The following ALOX5 variants were observed in gnomAD, a reference collection of about 807,000 sequenced individuals.
ALOX5 encodes arachidonate 5-lipoxygenase.
Under a neutral mutation model 87.9 loss-of-function variants are expected in ALOX5, and 64 were observed. The ratio of observed to expected loss-of-function variants is 0.73; its 90% confidence interval spans 0.60 to 0.90. The LOEUF (loss-of-function observed/expected upper bound fraction) is 0.90. Ranked by LOEUF, ALOX5 falls within the 40% of genes least tolerant of loss-of-function variation. The pLI, the probability that ALOX5 is intolerant of heterozygous loss-of-function variation, is 0.00. For synonymous variants in ALOX5, 388 were observed against 355.1 expected, an observed-to-expected ratio of 1.09 and a Z score of -1.04; for missense variants, 822 against 907.5, an observed-to-expected ratio of 0.91 and a Z score of 1.21.
intron 2 of ALOX5, among the ~76,000 whole-genome samples, chr10:45,388,942 T>C (rs551119649): frequency 6.6e-6 from 1 of 152,110 alleles, no homozygotes; most frequent in South Asian, 2.1e-4. Context: ...CTAAAAACCT[T>C]GAAAAAAGAT....
At chr10:45,396,648 C>G (rs1189330218) in intron 3 of ALOX5, among the ~76,000 whole-genome samples, 3 of 152,158 alleles carry the variant, frequency 2.0e-5, no homozygotes, top group African/African-American at 7.2e-5. Context: ...CTAATTCTAT[C>G]AAACATTTAA....
At chr10:45,419,816 A>C (rs78290029) in intron 4 of ALOX5, among the ~76,000 whole-genome samples, 4,229 of 152,276 alleles carry the variant, frequency 0.028, 200 homozygotes, top group African/African-American at 0.092. Flanking sequence ...CCAGGAGAGA[A>C]GGGCCCTGAG....
At chr10:45,404,479 T>A (rs939738966) in intron 3 of ALOX5, among the ~76,000 whole-genome samples, 1 of 152,220 alleles carries the variant, frequency 6.6e-6, no homozygotes, top group Non-Finnish European at 1.5e-5. Context: ...ACATGCACAC[T>A]CACACACAGC....
chr10:45,385,495 G>T (rs757572753), intron 2 of ALOX5, among the ~76,000 whole-genome samples: 1 of 152,154 alleles, frequency 6.6e-6, no homozygotes, highest in Non-Finnish European at 1.5e-5. Context: ...CGGGACCAGG[G>T]GAGACAGAAC....
chr10:45,376,824 A>G (rs1813134064), intron 1 of ALOX5, among the ~76,000 whole-genome samples: 1 of 152,170 alleles, frequency 6.6e-6, no homozygotes, highest in African/African-American at 2.4e-5. Flanking sequence ...ACTGGGAATC[A>G]AGTCCTTCGC....
chr10:45,437,960 T>C (rs888275467), intron 7 of ALOX5, among the ~76,000 whole-genome samples: 6 of 152,254 alleles, frequency 3.9e-5, no homozygotes, highest in Non-Finnish European at 8.8e-5. Flanking sequence ...TGCTGATTTT[T>C]CCTTGCAGTA....
chr10:45,396,312 A>G (rs922454047), intron 3 of ALOX5, among the ~76,000 whole-genome samples: 49 of 152,016 alleles, frequency 3.2e-4, no homozygotes, highest in African/African-American at 1.1e-3. Flanking sequence ...TCTTCAGCCA[A>G]CTGACCAGAG....
intron 7 of ALOX5, among the ~76,000 whole-genome samples, chr10:45,431,938 CTG>C (rs1365534277): frequency 6.6e-6 from 1 of 151,776 alleles, no homozygotes; most frequent in Admixed American, 6.6e-5. Context: ...GGGGAGGAAA[CTG>C]TAAAAATGTC....
chr10:45,400,903 T>C (rs994202380), intron 3 of ALOX5, among the ~76,000 whole-genome samples: 1 of 152,214 alleles, frequency 6.6e-6, no homozygotes, highest in Non-Finnish European at 1.5e-5. Flanking sequence ...TCTGCAAATA[T>C]ATTAAAATCT....
chr10:45,402,451 A>T (rs948886354), intron 3 of ALOX5, among the ~76,000 whole-genome samples: 1 of 152,198 alleles, frequency 6.6e-6, no homozygotes, highest in Non-Finnish European at 1.5e-5. Flanking sequence ...GCCACTGGAC[A>T]TGCATCTCGA....
Position 45,443,169 on chromosome 10 carries a change from C to G in ALOX5, c.1404C>G (p.Tyr468Ter). Residue 468 changes from tyrosine (Y) to a stop codon, truncating the protein, a stop_gained, in exon 10 of 14, where the codon TAC becomes TAG. Coordinates refer to ENST00000374391, the MANE Select transcript of ALOX5 (RefSeq NM_000698.5). LOFTEE classifies it high-confidence loss of function. ...RGMESKEDIP[Y>*]YFYRDDGLLV... The stretch of plus-strand genomic sequence containing the variant: ...TGGAGAGCAAAGAAGACATCCCCTA[C>G]TACTTCTACCGGGACGACGGGCTCC... 1 of 1,613,838 alleles carries G rather than the reference C, an allele frequency of 6.2e-7. No homozygotes were observed. The highest frequency in any genetic ancestry group is 1.7e-5 in the Admixed American group (1 of 60,022).
chr10:45,407,835 G>A (rs1840936680), intron 3 of ALOX5, among the ~76,000 whole-genome samples: 2 of 151,972 alleles, frequency 1.3e-5, no homozygotes, highest in South Asian at 2.1e-4. Flanking sequence ...AAATTTTAAC[G>A]GTTCACTAGG....
chr10:45,419,127 G>A (rs531021780), intron 4 of ALOX5, among the ~76,000 whole-genome samples: 28 of 152,360 alleles, frequency 1.8e-4, no homozygotes, highest in African/African-American at 6.5e-4. Flanking sequence ...GGCGCTATGA[G>A]CCCGAGTTTC....
rs570065880 is a variant in ALOX5, at chr10:45,424,051, C to T, written c.565C>T (p.Leu189=). The T allele has an allele frequency of 7.4e-6, 12 of 1,614,048 alleles. No individual in the cohort carries two copies. The South Asian group carries it at 1.3e-4, about 18-fold the overall frequency. ...TCTCCTGGTCTGCAGGATGGAGAAC[C>T]TGTTCATCAACCGCTTCATGCACAT... ...VLNYSKAMEN[L]FINRFMHMFQ... The change falls in exon 5 of 14, where the codon CTG becomes TTG. Residue 189 remains leucine, a synonymous_variant. Transcript: ENST00000374391.
At chr10:45,419,046 C>G (rs1841403658) in intron 4 of ALOX5, among the ~76,000 whole-genome samples, 2 of 152,168 alleles carry the variant, frequency 1.3e-5, no homozygotes, top group African/African-American at 4.8e-5. Context: ...CGCCCTCTCC[C>G]CAGGACCACA....
intron 4 of ALOX5, among the ~76,000 whole-genome samples, chr10:45,422,376 C>G (rs1035690305): frequency 1.3e-5 from 2 of 152,166 alleles, no homozygotes; most frequent in African/African-American, 2.4e-5. Flanking sequence ...CAGCTCAGAC[C>G]CAGCCATGCT....
intron 4 of ALOX5, among the ~76,000 whole-genome samples, chr10:45,414,367 G>T (rs1260268742): frequency 6.6e-6 from 1 of 152,156 alleles, no homozygotes; most frequent in African/African-American, 2.4e-5. Context: ...AATGGTGCTG[G>T]GAAAACTGGC....
At chr10:45,388,816 C>T (rs1262047402) in intron 2 of ALOX5, among the ~76,000 whole-genome samples, 2 of 152,204 alleles carry the variant, frequency 1.3e-5, no homozygotes, top group African/African-American at 2.4e-5. Flanking sequence ...CAGCTCCTCG[C>T]GAGTGGTGGA....
intron 4 of ALOX5, among the ~76,000 whole-genome samples, chr10:45,415,429 C>T (rs2132771159): frequency 6.6e-6 from 1 of 152,090 alleles, no homozygotes; most frequent in East Asian, 1.9e-4. Flanking sequence ...ACACCAGGGC[C>T]TGTCATGGGG....
Sources: allele counts gnomAD v4.1 joint callset (sites outside exome capture counted in the v4.1 genomes callset), GRCh38; gene constraint gnomAD v4.1.1; transcripts MANE v1.5; gene names NCBI Gene and HGNC (gene_info 2026-07-23, HGNC 2026-07-21).